The following USP34 variants were observed in gnomAD, a reference collection of about 807,000 sequenced individuals.
USP34 encodes ubiquitin carboxyl-terminal hydrolase 34.
In USP34, 70 loss-of-function variants were observed where a neutral mutation model predicts 460.3. The ratio of observed to expected loss-of-function variants is 0.15; its 90% CI spans 0.13 to 0.19. USP34 has a LOEUF of 0.19. Among genes scored for constraint, USP34 ranks in the 10% least tolerant of loss-of-function variants. The pLI is 1.00. For synonymous variants in USP34, 1,647 were observed against 1,405.3 expected, an observed-to-expected ratio of 1.17 and a Z score of -3.85; for missense variants, 3,985 against 4,236.2, an observed-to-expected ratio of 0.94 and a Z score of 1.65.
At chr2:61,296,257 C>G (rs1004168309) in intron 30 of USP34, among the ~76,000 whole-genome samples, 13 of 123,138 alleles carry the variant, frequency 1.1e-4, no homozygotes, top group Admixed American at 9.3e-5. Flanking sequence ...TATACCTTAT[C>G]TCAAAAATAA....
intron 41 of USP34, among the ~76,000 whole-genome samples, chr2:61,267,730 C>T (rs1389198189): frequency 6.6e-6 from 1 of 152,164 alleles, no homozygotes; most frequent in African/African-American, 2.4e-5. Context: ...TCTCCTGCCT[C>T]AGACTCCCAA....
chr2:61,383,442 C>T (rs1214327757), intron 5 of USP34, 106 bp from the exon 6 acceptor site: 26 of 727,812 alleles, frequency 3.6e-5, no homozygotes, highest in Non-Finnish European at 4.7e-5. Flanking sequence ...CGGTCGCTCA[C>T]GCCTGTAATC....
At chr2:61,300,414 C>G (rs942068752) in intron 29 of USP34, among the ~76,000 whole-genome samples, 2 of 149,354 alleles carry the variant, frequency 1.3e-5, no homozygotes, top group Non-Finnish European at 3.0e-5. Flanking sequence ...CTCTTGAACT[C>G]CTGACCTCGT....
chr2:61,459,934 C>T (rs1207175114), intron 1 of USP34, among the ~76,000 whole-genome samples: 1 of 152,102 alleles, frequency 6.6e-6, no homozygotes, highest in African/African-American at 2.4e-5. Context: ...TGGTGGCGGA[C>T]GCCTGTAGTC....
At chr2:61,424,952 T>C (rs1049200196) in intron 1 of USP34, among the ~76,000 whole-genome samples, 2 of 152,092 alleles carry the variant, frequency 1.3e-5, no homozygotes, top group Non-Finnish European at 2.9e-5. Context: ...GCTGAGTAGC[T>C]GGAATTACAG....
At chr2:61,366,432 T>G (rs1043063439) in intron 10 of USP34, among the ~76,000 whole-genome samples, 1 of 152,190 alleles carries the variant, frequency 6.6e-6, no homozygotes, top group Non-Finnish European at 1.5e-5. Flanking sequence ...TGATTCTTTC[T>G]GTCAGCCACC....
chr2:61,461,875 G>T (rs748045490), intron 1 of USP34, among the ~76,000 whole-genome samples: 1 of 152,044 alleles, frequency 6.6e-6, no homozygotes, highest in Non-Finnish European at 1.5e-5. Flanking sequence ...GTACATTTGC[G>T]GCATTATTCA....
chr2:61,335,903 T>C (rs193140031), intron 18 of USP34, among the ~76,000 whole-genome samples: 1 of 152,372 alleles, frequency 6.6e-6, no homozygotes, highest in Admixed American at 6.5e-5. Flanking sequence ...GTGGTAGTCC[T>C]GTAAGAATTA....
intron 8 of USP34, 31 bp from the exon 9 acceptor site, chr2:61,370,610 A>G: frequency 1.3e-6 from 2 of 1,590,422 alleles, no homozygotes; most frequent in South Asian, 2.3e-5. Flanking sequence ...TAGTACATTA[A>G]AAAAAATTGT....
At chr2:61,398,956 A>T (rs534773062) in intron 3 of USP34, among the ~76,000 whole-genome samples, 1 of 152,300 alleles carries the variant, frequency 6.6e-6, no homozygotes, top group East Asian at 1.9e-4. Context: ...AAAGTCCAGA[A>T]TTTAAGACCT....
At chr2:61,283,485 T>G (rs757037364) in intron 35 of USP34, 36 bp from the exon 36 acceptor site, 2 of 1,584,178 alleles carry the variant, frequency 1.3e-6, no homozygotes, top group Admixed American at 3.8e-5. Flanking sequence ...CCAATTAAAT[T>G]CAGCAATGAA....
chr2:61,269,365 C>G (rs762775985), intron 41 of USP34, among the ~76,000 whole-genome samples: 3 of 149,062 alleles, frequency 2.0e-5, no homozygotes, highest in Non-Finnish European at 4.4e-5. Context: ...AGGGTTTCAC[C>G]AGGTTACCCA....
intron 1 of USP34, among the ~76,000 whole-genome samples, chr2:61,443,186 C>T (rs2104031101): frequency 6.6e-6 from 1 of 152,236 alleles, no homozygotes; most frequent in East Asian, 1.9e-4. Context: ...ATAAAAATTA[C>T]AGCTAGATAG....
intron 23 of USP34, among the ~76,000 whole-genome samples, chr2:61,315,667 G>A (rs781654708): frequency 2.6e-5 from 4 of 152,010 alleles, no homozygotes; most frequent in Non-Finnish European, 4.4e-5. Flanking sequence ...GAGCCACTGC[G>A]TCCAGCCTCA....
chr2:61,433,544 G>T (rs1694735186), intron 1 of USP34, among the ~76,000 whole-genome samples: 1 of 152,180 alleles, frequency 6.6e-6, no homozygotes, highest in African/African-American at 2.4e-5. Flanking sequence ...TGAGGCAGGA[G>T]AATCACTTGA....
rs748031794 is a variant in USP34 at position 61,288,836 on chromosome 2, G to A, written c.4590C>T (p.Cys1530=). 103 of 1,613,326 alleles carry A rather than the reference G, an allele frequency of 6.4e-5. No individual in the cohort carries two copies. Among genetic ancestry groups the A allele is most frequent in the Middle Eastern group, 1.6e-4 (1 of 6,084 alleles). Residue 1530 remains cysteine (C), a synonymous_variant, in exon 34 of 80, where the codon TGC becomes TGT. Transcript: ENST00000398571. The part of the protein sequence containing the change: ...DCLACLLKLI[C]QFAVDPSDLD... Reference sequence around the variant, plus strand: ...AATCGGATGGATCTACTGCAAACTGGCATATTAACTTCAGCAAGCAAGCAA... The same window carrying A: ...AATCGGATGGATCTACTGCAAACTGACATATTAACTTCAGCAAGCAAGCAA...
intron 43 of USP34, among the ~76,000 whole-genome samples, chr2:61,261,525 GTTTAACA>G (rs1688878655): frequency 6.6e-6 from 1 of 152,130 alleles, no homozygotes. Context: ...AGAGTTAAGT[GTTTAACA>G]AGTTTCTGTT....
intron 43 of USP34, among the ~76,000 whole-genome samples, chr2:61,263,170 G>A (rs1245798574): frequency 8.1e-6 from 1 of 124,192 alleles, no homozygotes; most frequent in Non-Finnish European, 1.7e-5. Context: ...CACCACACAT[G>A]GAATTTTTTT....
chr2:61,188,881 A>AGGTAAT, intron 79 of USP34, 29 bp downstream of exon 79: 1 of 1,612,534 alleles, frequency 6.2e-7, no homozygotes, highest in Non-Finnish European at 8.5e-7. Flanking sequence ...CCCACCCTAA[A>AGGTAAT]GGTAATGATA....
Sources: allele counts gnomAD v4.1 joint callset (sites outside exome capture counted in the v4.1 genomes callset), GRCh38; gene constraint gnomAD v4.1.1; transcripts MANE v1.5; gene names NCBI Gene and HGNC (gene_info 2026-07-23, HGNC 2026-07-21).